LRBA: variants seen among roughly 807,000 people sequenced by gnomAD.
The protein encoded by LRBA is LPS responsive beige-like anchor protein.
LRBA carries 176 observed loss-of-function variants against 330.0 expected under a neutral mutation model. The ratio of observed to expected loss-of-function variants is 0.53; its 90% CI spans 0.47 to 0.60. The LOEUF is 0.60. Among genes scored for constraint, LRBA ranks in the 20% least tolerant of loss-of-function variants. The pLI, the probability that LRBA is intolerant of heterozygous loss-of-function variation, is 0.00. For missense variants in LRBA, 3,259 were observed against 3,444.8 expected, an observed-to-expected ratio of 0.95 and a Z score of 1.35; for synonymous variants, 1,230 against 1,193.0, an observed-to-expected ratio of 1.03 and a Z score of -0.64.
intron 46 of LRBA, among the ~76,000 whole-genome samples, chr4:150,425,909 T>TA (rs946795238): frequency 5.3e-5 from 8 of 151,944 alleles, no homozygotes; most frequent in East Asian, 1.9e-4. Context: ...ACACTGATGG[T>TA]AAAAAAATGT....
intron 2 of LRBA, among the ~76,000 whole-genome samples, chr4:150,998,360 A>C (rs1742927087): frequency 6.6e-6 from 1 of 151,664 alleles, no homozygotes; most frequent in Admixed American, 6.6e-5. Context: ...TCTCAAAAAA[A>C]AAAAAAAAAG....
chr4:150,971,251 C>T (rs1435655232), intron 2 of LRBA, among the ~76,000 whole-genome samples: 2 of 152,154 alleles, frequency 1.3e-5, no homozygotes, highest in East Asian at 3.8e-4. Context: ...TTTTTCCTTA[C>T]TTCAAAGTAG....
rs561624246 is a variant in LRBA at position 150,769,583 on chromosome 4, C to T, written c.5581-7736G>A. Among the ~76,000 whole-genome samples the T allele has an allele frequency of 2.0e-5, 3 of 152,266 alleles. No homozygotes were observed. The South Asian group carries it at 6.2e-4, about 32-fold the overall frequency. ...TTCTCTCTACTGGGGGAAGAGTCAG[C>T]CTTTTGGTTTTATTCAGGCATTCAG... On this transcript the variant is annotated intron_variant, in intron 34 of 56. Coordinates refer to ENST00000651943, the MANE Select transcript of LRBA (RefSeq NM_001364905.1).
intron 47 of LRBA, among the ~76,000 whole-genome samples, chr4:150,380,616 G>A (rs1274555485): frequency 6.6e-6 from 1 of 151,944 alleles, no homozygotes; most frequent in African/African-American, 2.4e-5. Context: ...GCACACATTA[G>A]CAATATAAAA....
chr4:150,662,985 A>AC (rs1781258926), intron 37 of LRBA, among the ~76,000 whole-genome samples: 2 of 152,132 alleles, frequency 1.3e-5, no homozygotes, highest in African/African-American at 4.8e-5. Context: ...AACAAACAAA[A>AC]AAAAACAGAT....
chr4:150,992,109 A>G (rs527947342), intron 2 of LRBA, among the ~76,000 whole-genome samples: 3 of 152,198 alleles, frequency 2.0e-5, no homozygotes, highest in Non-Finnish European at 4.4e-5. Context: ...TGAGGTCAGG[A>G]GTTCGAGACC....
intron 37 of LRBA, among the ~76,000 whole-genome samples, chr4:150,601,533 T>TA (rs949259550): frequency 1.3e-5 from 2 of 151,500 alleles, no homozygotes; most frequent in Non-Finnish European, 2.9e-5. Flanking sequence ...ACCTTGACAC[T>TA]AAAAAAAATG....
At chr4:150,620,182 T>C (rs1014264839) in intron 37 of LRBA, among the ~76,000 whole-genome samples, 7 of 151,948 alleles carry the variant, frequency 4.6e-5, no homozygotes, top group Admixed American at 1.3e-4. Context: ...CATATACAAA[T>C]GGCCAACAAA....
At chr4:150,655,938 T>A (rs993802578) in intron 37 of LRBA, among the ~76,000 whole-genome samples, 5 of 152,208 alleles carry the variant, frequency 3.3e-5, no homozygotes, top group Admixed American at 1.3e-4. Flanking sequence ...CTGCCCCTCC[T>A]AAAACATCTT....
chr4:150,896,185 T>C (rs1179207410), intron 16 of LRBA, among the ~76,000 whole-genome samples: 2 of 152,204 alleles, frequency 1.3e-5, no homozygotes, highest in Non-Finnish European at 2.9e-5. Flanking sequence ...TTAGTACTTT[T>C]TAAAGCCTTT....
At chr4:150,585,240 C>A (rs1039945067) in intron 40 of LRBA, among the ~76,000 whole-genome samples, 1 of 152,132 alleles carries the variant, frequency 6.6e-6, no homozygotes, top group African/African-American at 2.4e-5. Context: ...ATAATCCTCT[C>A]CCCAAGCATA....
chr4:150,688,132 G>T (rs1293095725), intron 36 of LRBA, among the ~76,000 whole-genome samples: 2 of 151,948 alleles, frequency 1.3e-5, no homozygotes, highest in Admixed American at 6.6e-5. Flanking sequence ...CAGAACAGAG[G>T]CCTCAGAAAT....
At chr4:150,412,391 G>C (rs894000967) in intron 47 of LRBA, among the ~76,000 whole-genome samples, 3 of 152,102 alleles carry the variant, frequency 2.0e-5, no homozygotes, top group African/African-American at 7.2e-5. Context: ...TTAGAGCGTG[G>C]GTAGCCAAAA....
At chr4:150,689,596 G>A (rs1194445221) in intron 36 of LRBA, among the ~76,000 whole-genome samples, 1 of 152,070 alleles carries the variant, frequency 6.6e-6, no homozygotes, top group Non-Finnish European at 1.5e-5. Context: ...AGGCCCACAT[G>A]TTTATATCGG....
intron 36 of LRBA, among the ~76,000 whole-genome samples, chr4:150,734,677 T>G (rs1730956925): frequency 6.6e-6 from 1 of 152,202 alleles, no homozygotes; most frequent in African/African-American, 2.4e-5. Flanking sequence ...AAATTTGTAT[T>G]TCTTATACAT....
chr4:150,515,452 T>G (rs1471911341), intron 40 of LRBA, among the ~76,000 whole-genome samples: 1 of 152,158 alleles, frequency 6.6e-6, no homozygotes. Context: ...ATATTAGCTA[T>G]GTGATCTGGG....
rs557134256 is a variant in LRBA at position 150,387,391 on chromosome 4, A to T, written c.7194+28047T>A. The stretch of plus-strand genomic sequence containing the variant: ...TAAGTATGTGCTGTAATATTTTAGT[A>T]TAATATCCGAAAATAAGATTTACCA... On this transcript the variant is annotated intron_variant, in intron 47 of 56. Coordinates refer to ENST00000651943, the MANE Select transcript of LRBA (RefSeq NM_001364905.1). 2.0e-4 allele frequency among the ~76,000 whole-genome samples: 31 copies of T among 152,330 alleles called. No individual in the cohort carries two copies. In the East Asian group the frequency reaches 6.0e-3, roughly 29 times the overall value.
chr4:150,881,879 G>C (rs1728434099), intron 17 of LRBA, among the ~76,000 whole-genome samples: 1 of 152,128 alleles, frequency 6.6e-6, no homozygotes, highest in Non-Finnish European at 1.5e-5. Context: ...CTGAGGTCAG[G>C]AGCTCGAGAC....
chr4:150,274,384 T>C (rs1045011698), intron 56 of LRBA, among the ~76,000 whole-genome samples: 1 of 151,766 alleles, frequency 6.6e-6, no homozygotes, highest in African/African-American at 2.4e-5. Flanking sequence ...CACCCTAACA[T>C]CACAATTAAA....
Sources: gnomAD v4.1 joint callset for allele counts (sites outside exome capture counted in the v4.1 genomes callset) on GRCh38, gnomAD v4.1.1 for gene constraint, MANE v1.5 for transcripts, NCBI Gene and HGNC (gene_info 2026-07-23, HGNC 2026-07-21) for gene names.